The following KDM4B variants were observed in gnomAD, a reference collection of about 807,000 sequenced individuals.
The protein encoded by KDM4B is lysine-specific demethylase 4B.
KDM4B carries 32 observed loss-of-function variants against 125.2 expected under a neutral mutation model. The ratio of observed to expected loss-of-function variants is 0.26; its 90% confidence interval spans 0.19 to 0.34. The LOEUF is 0.34. KDM4B is among the 10% of genes least tolerant of loss of function. The probability of loss-of-function intolerance (pLI) is 1.00; values close to 1 mark genes in which losing one functional copy is unlikely to be tolerated. For synonymous variants in KDM4B, 721 were observed against 677.9 expected, an observed-to-expected ratio of 1.06 and a Z score of -0.99; for missense variants, 1,190 against 1,577.7, an observed-to-expected ratio of 0.75 and a Z score of 4.16.
intron 22 of KDM4B, 119 bp downstream of exon 22, chr19:5,150,569 C>T: frequency 1.4e-6 from 1 of 712,094 alleles, no homozygotes; most frequent in Admixed American, 2.6e-5. Flanking sequence ...TGCACCTCTG[C>T]TGGAAGGGGG....
chr19:4,973,126 T>C (rs2034318624), intron 1 of KDM4B, among the ~76,000 whole-genome samples: 1 of 152,246 alleles, frequency 6.6e-6, no homozygotes, highest in Admixed American at 6.5e-5. Flanking sequence ...TCTTTGATCT[T>C]GGCCTCTTCC....
chr19:5,122,681 C>T (rs371442424), intron 11 of KDM4B, among the ~76,000 whole-genome samples: 1 of 152,232 alleles, frequency 6.6e-6, no homozygotes, highest in Non-Finnish European at 1.5e-5. Flanking sequence ...ACTCGCCACC[C>T]GTCACCGACC....
intron 6 of KDM4B, among the ~76,000 whole-genome samples, chr19:5,069,175 T>C (rs192235707): frequency 3.9e-4 from 59 of 152,352 alleles, no homozygotes; most frequent in African/African-American, 1.3e-3. Context: ...TTGAAGGTGC[T>C]GGGGTCGCCT....
intron 1 of KDM4B, among the ~76,000 whole-genome samples, chr19:4,988,299 G>A (rs1056082675): frequency 1.6e-4 from 25 of 151,802 alleles, no homozygotes; most frequent in African/African-American, 5.6e-4. Context: ...TTTTTGAGAC[G>A]GAGTCTTGTT....
intron 11 of KDM4B, 118 bp from the exon 12 acceptor site, chr19:5,130,958 T>C (rs937160782): frequency 1.1e-5 from 8 of 746,134 alleles, no homozygotes; most frequent in Non-Finnish European, 1.7e-5. Flanking sequence ...TCGTGTGGCC[T>C]CTCTGGGTGG....
At chr19:5,044,832 G>A (rs1441157994) in intron 5 of KDM4B, among the ~76,000 whole-genome samples, 1 of 152,032 alleles carries the variant, frequency 6.6e-6, no homozygotes, top group Non-Finnish European at 1.5e-5. Context: ...CCAGAATGCC[G>A]TGAGCTGGAA....
chr19:5,032,132 G>A (rs1036381995), intron 2 of KDM4B, among the ~76,000 whole-genome samples: 8 of 152,202 alleles, frequency 5.3e-5, no homozygotes, highest in Non-Finnish European at 1.2e-4. Context: ...ACAGGAGGGA[G>A]CCGCTCCCGC....
chr19:5,051,351 G>T (rs749287046), intron 6 of KDM4B, among the ~76,000 whole-genome samples: 6 of 152,250 alleles, frequency 3.9e-5, no homozygotes, highest in Non-Finnish European at 7.3e-5. Context: ...CATGTGCCGG[G>T]CTGGGACCTG....
Position 5,114,002 on chromosome 19 carries a change from C to T in KDM4B, c.1115+3184C>T, listed in dbSNP as rs1568305850. On this transcript the variant is annotated intron_variant, in intron 10 of 22. Transcript: ENST00000159111. This position sits in a 1 kb window ranked among gnomAD's most constrained non-coding sequence, Gnocchi z 5.8. ...CCAGAACTAAATCTCGTTGAGCGAG[C>T]GTTGGGGGCTGTTTGTATTCTTCCC... 6 of 1,263,522 alleles carry T rather than the reference C, an allele frequency of 4.7e-6. No individual in the cohort carries two copies. The highest frequency in any genetic ancestry group is 1.3e-5 in the South Asian group (1 of 77,292). The allele number at this position is 1,263,522 out of a possible 1,614,324, so 78.3% of individuals were successfully genotyped here.
chr19:4,976,867 A>G (rs999729178), intron 1 of KDM4B, among the ~76,000 whole-genome samples: 1 of 152,190 alleles, frequency 6.6e-6, no homozygotes, highest in African/African-American at 2.4e-5. Flanking sequence ...GGTCTTTGGC[A>G]TCTTAGATTT....
chr19:5,102,785 C>T (rs1481049334), intron 9 of KDM4B, among the ~76,000 whole-genome samples: 1 of 152,176 alleles, frequency 6.6e-6, no homozygotes, highest in Non-Finnish European at 1.5e-5. Context: ...CCTGTGGATG[C>T]CGCCCCTGAC....
At chr19:5,138,696 C>A (rs372626961) in intron 18 of KDM4B, among the ~76,000 whole-genome samples, 9 of 152,276 alleles carry the variant, frequency 5.9e-5, no homozygotes, top group African/African-American at 1.9e-4. Context: ...AGCGTGAGAT[C>A]TGCCCTCTTA....
intron 1 of KDM4B, among the ~76,000 whole-genome samples, chr19:4,986,745 G>A (rs571531352): frequency 6.6e-6 from 1 of 152,340 alleles, no homozygotes; most frequent in East Asian, 1.9e-4. Flanking sequence ...CACCTTTGCA[G>A]GATTTGGGAC....
chr19:5,080,183 A>T (rs2613778), intron 8 of KDM4B, among the ~76,000 whole-genome samples: 11,761 of 152,284 alleles, frequency 0.077, 519 homozygotes, highest in Middle Eastern at 0.14. Flanking sequence ...GAAAAGAAAA[A>T]TATCACAGTG....
intron 11 of KDM4B, among the ~76,000 whole-genome samples, chr19:5,125,931 A>G (rs147851170): frequency 2.1e-4 from 32 of 152,304 alleles, no homozygotes; most frequent in African/African-American, 7.5e-4. Context: ...TTATCTCGAG[A>G]GAGCCTCATA....
chr19:4,994,329 T>C (rs1251044174), intron 1 of KDM4B, among the ~76,000 whole-genome samples: 1 of 150,856 alleles, frequency 6.6e-6, no homozygotes, highest in African/African-American at 2.4e-5. Context: ...CTCAGCACTT[T>C]GGGAGGCCGA....
intron 16 of KDM4B, 56 bp downstream of exon 16, chr19:5,137,394 A>C (rs2039667805): frequency 3.4e-6 from 5 of 1,484,846 alleles, no homozygotes; most frequent in Non-Finnish European, 4.6e-6. Flanking sequence ...CCCCGGCCCC[A>C]CTCCAGTGGG....
intron 21 of KDM4B, among the ~76,000 whole-genome samples, chr19:5,149,904 G>A (rs2039916158): frequency 4.6e-5 from 7 of 152,220 alleles, no homozygotes; most frequent in Admixed American, 3.9e-4. Context: ...CTGGTTGGGG[G>A]CTCCTGAGCT....
intron 11 of KDM4B, among the ~76,000 whole-genome samples, chr19:5,125,536 T>G (rs1369378025): frequency 6.6e-6 from 1 of 152,110 alleles, no homozygotes; most frequent in Non-Finnish European, 1.5e-5. Flanking sequence ...ACCATCCTGT[T>G]TAAAGATGTA....
Sources: allele counts gnomAD v4.1 joint callset (sites outside exome capture counted in the v4.1 genomes callset), GRCh38; gene constraint gnomAD v4.1.1; non-coding constraint Gnocchi (gnomAD v3.1); transcripts MANE v1.5; gene names NCBI Gene and HGNC (gene_info 2026-07-23, HGNC 2026-07-21).